Variants in LUZP2 observed in about 807,000 individuals in gnomAD.
LUZP2 encodes the protein leucine zipper protein 2.
In LUZP2, 52 loss-of-function variants were observed where a neutral mutation model predicts 51.6. That is an observed-to-expected ratio of 1.01 (90% CI 0.81 to 1.27). The LOEUF (loss-of-function observed/expected upper bound fraction) is 1.27. LUZP2 is among the 50% of genes most tolerant of loss of function. The pLI is 0.00. For synonymous variants in LUZP2, 154 were observed against 137.3 expected (o/e 1.12, Z -0.85); for missense variants, 436 against 395.4 (o/e 1.10, Z -0.87).
chr11:24,980,811 G>A (rs763682436), intron 8 of LUZP2, among the ~76,000 whole-genome samples: 1 of 151,626 alleles, frequency 6.6e-6, no homozygotes, highest in Non-Finnish European at 1.5e-5. Context: ...TGGAAGAAGG[G>A]TTCTGCAAGC....
chr11:24,864,923 C>T (rs1590658664), intron 5 of LUZP2, among the ~76,000 whole-genome samples: 2 of 152,272 alleles, frequency 1.3e-5, no homozygotes, highest in East Asian at 1.9e-4. Context: ...TTGATGTTCT[C>T]ATAATTGTAG....
intron 1 of LUZP2, among the ~76,000 whole-genome samples, chr11:24,521,579 T>C (rs1334616389): frequency 1.3e-5 from 2 of 152,094 alleles, no homozygotes. Context: ...CATGAGTCAA[T>C]ATATCATTGC....
intron 1 of LUZP2, among the ~76,000 whole-genome samples, chr11:24,510,107 A>C (rs993175233): frequency 2.0e-5 from 3 of 152,174 alleles, no homozygotes; most frequent in Non-Finnish European, 4.4e-5. Flanking sequence ...GGTAGCTTAA[A>C]CCCAGCGCTC....
intron 7 of LUZP2, among the ~76,000 whole-genome samples, chr11:24,975,036 A>T (rs1021867657): frequency 1.3e-5 from 2 of 151,998 alleles, no homozygotes; most frequent in African/African-American, 4.8e-5. Flanking sequence ...GTTTGACTGT[A>T]AGCTGGGTTT....
chr11:25,016,639 CTGTG>C (rs35028249), intron 9 of LUZP2, among the ~76,000 whole-genome samples: 57,354 of 151,400 alleles, frequency 0.38, 13,156 homozygotes, highest in East Asian at 0.77. Context: ...GTGTTTGTGT[CTGTG>C]TGTACCACAT....
intron 1 of LUZP2, among the ~76,000 whole-genome samples, chr11:24,621,292 A>T (rs1458299938): frequency 6.6e-6 from 1 of 152,276 alleles, no homozygotes; most frequent in Non-Finnish European, 1.5e-5. Context: ...AAAAGACACT[A>T]ACCTGCTAAG....
intron 5 of LUZP2, among the ~76,000 whole-genome samples, chr11:24,848,927 G>T (rs1288140859): frequency 6.6e-6 from 1 of 151,938 alleles, no homozygotes; most frequent in Non-Finnish European, 1.5e-5. Context: ...CACAGAAAGA[G>T]CATACCTCAA....
At chr11:24,737,716 A>G (rs555820021) in intron 3 of LUZP2, among the ~76,000 whole-genome samples, 7 of 152,194 alleles carry the variant, frequency 4.6e-5, no homozygotes, top group Non-Finnish European at 8.8e-5. Context: ...TTAAGTTAAA[A>G]TAAGTTTCTT....
chr11:24,745,352 G>T (rs1859339858), intron 4 of LUZP2, among the ~76,000 whole-genome samples: 2 of 151,980 alleles, frequency 1.3e-5, no homozygotes, highest in African/African-American at 2.4e-5. Context: ...TCGTTTGTTA[G>T]GTCTATCGGT....
At chr11:24,598,399 T>C (rs1853516329) in intron 1 of LUZP2, among the ~76,000 whole-genome samples, 1 of 152,060 alleles carries the variant, frequency 6.6e-6, no homozygotes, top group African/African-American at 2.4e-5. Flanking sequence ...ACTCCCTAAA[T>C]GTAGGAGAGT....
At chr11:24,740,246 A>G (rs908656385) in intron 4 of LUZP2, among the ~76,000 whole-genome samples, 1 of 152,208 alleles carries the variant, frequency 6.6e-6, no homozygotes, top group Non-Finnish European at 1.5e-5. Context: ...GCATGAACTC[A>G]TAATTATTCC....
intron 5 of LUZP2, among the ~76,000 whole-genome samples, chr11:24,774,916 G>A (rs17235022): frequency 0.043 from 6,357 of 148,144 alleles, 201 homozygotes; most frequent in Middle Eastern, 0.082. Context: ...TGACTAATAC[G>A]GCATCTCTAG....
At chr11:24,892,278 T>C (rs1332077749) in intron 5 of LUZP2, 1 of 985,430 alleles carries the variant, frequency 1.0e-6, no homozygotes, top group South Asian at 4.7e-5. Flanking sequence ...CCATCTGCTA[T>C]AGGAAGGAGC....
chr11:24,534,574 T>C (rs1284470490), intron 1 of LUZP2, among the ~76,000 whole-genome samples: 1 of 151,278 alleles, frequency 6.6e-6, no homozygotes, highest in Non-Finnish European at 1.5e-5. Context: ...AGTAAACACA[T>C]TTAAAAGGAT....
chr11:24,762,384 G>T (rs1590471677), intron 4 of LUZP2, among the ~76,000 whole-genome samples: 1 of 152,180 alleles, frequency 6.6e-6, no homozygotes, highest in East Asian at 1.9e-4. Context: ...AACACAAAAA[G>T]AATGTAAATT....
At chr11:24,650,467 T>A (rs1855593767) in intron 1 of LUZP2, among the ~76,000 whole-genome samples, 1 of 151,944 alleles carries the variant, frequency 6.6e-6, no homozygotes, top group Non-Finnish European at 1.5e-5. Flanking sequence ...AACTATTTTG[T>A]TTACATTTTA....
At chr11:24,942,404 C>A (rs1854778429) in intron 7 of LUZP2, among the ~76,000 whole-genome samples, 1 of 152,116 alleles carries the variant, frequency 6.6e-6, no homozygotes, top group Non-Finnish European at 1.5e-5. Context: ...CTTTCTAGTG[C>A]ATGAGTAGTG....
intron 9 of LUZP2, among the ~76,000 whole-genome samples, chr11:25,031,301 T>C (rs1467820041): frequency 6.6e-6 from 1 of 151,804 alleles, no homozygotes; most frequent in Non-Finnish European, 1.5e-5. Context: ...TGAGCCACCA[T>C]GCCCAGACTA....
chr11:24,538,660 GT>G (rs1344678478), intron 1 of LUZP2, among the ~76,000 whole-genome samples: 2 of 144,784 alleles, frequency 1.4e-5, no homozygotes, highest in African/African-American at 2.6e-5. Flanking sequence ...ATATGTGTGT[GT>G]GTGTGTGTAT....
Sources: gnomAD v4.1 joint callset for allele counts (sites outside exome capture counted in the v4.1 genomes callset) on GRCh38, gnomAD v4.1.1 for gene constraint, MANE v1.5 for transcripts, NCBI Gene and HGNC (gene_info 2026-07-23, HGNC 2026-07-21) for gene names.